Variants in SRC observed in about 807,000 individuals in gnomAD.
The protein encoded by SRC is SRC proto-oncogene, non-receptor tyrosine kinase, also known as proto-oncogene tyrosine-protein kinase Src.
A neutral mutation model predicts 62.9 loss-of-function variants in SRC; 13 were observed. That is an observed-to-expected ratio of 0.21 (90% CI 0.13 to 0.33). SRC has a LOEUF of 0.33. SRC is among the 10% of genes least tolerant of loss of function. The pLI is 1.00. For synonymous variants in SRC, 302 were observed against 317.5 expected (o/e 0.95, Z 0.52); for missense variants, 457 against 737.3 (o/e 0.62, Z 4.40).
rs1167547838 is a variant in SRC, at chr20:37,405,947, A to G, written c.*2568A>G. On this transcript the variant is annotated 3_prime_UTR_variant, in exon 14 of 14. Transcript: ENST00000373578. ...AGGTTGATTTGCAACCGTCTATACA[A>G]ACACATTTATTTTACACAAATATAC... is the stretch of plus-strand genomic sequence containing the variant. The G allele has an allele frequency of 6.6e-6, 1 of 152,248 alleles. No homozygotes were observed. The highest frequency in any genetic ancestry group is 1.5e-5 in the Non-Finnish European group (1 of 68,052). The allele number at this position is 152,248 out of a possible 1,614,324, so 9.4% of individuals were successfully genotyped here.
intron 1 of SRC, among the ~76,000 whole-genome samples, chr20:37,353,353 G>A (rs1452988234): frequency 6.6e-6 from 1 of 152,128 alleles, no homozygotes; most frequent in East Asian, 1.9e-4. Context: ...GTCAAAAGGA[G>A]GATTTGGAGG....
At chr20:37,367,452 T>G (rs1303287459) in intron 2 of SRC, among the ~76,000 whole-genome samples, 1 of 152,102 alleles carries the variant, frequency 6.6e-6, no homozygotes, top group African/African-American at 2.4e-5. Flanking sequence ...AATTTGTATA[T>G]CTTCTTTGGA....
intron 5 of SRC, among the ~76,000 whole-genome samples, chr20:37,390,320 T>A (rs2070525788): frequency 6.6e-6 from 1 of 152,100 alleles, no homozygotes; most frequent in Admixed American, 6.6e-5. Flanking sequence ...TTTAGTTGTT[T>A]TTATTTTTAT....
At chr20:37,352,984 G>A (rs2069829175) in intron 1 of SRC, among the ~76,000 whole-genome samples, 2 of 152,150 alleles carry the variant, frequency 1.3e-5, no homozygotes, top group South Asian at 4.1e-4. Context: ...ACTTCACCTT[G>A]TCCCTTCTTT....
In SRC at chr20:37,351,996, C is replaced by T. The variant is rs1328275291; in HGVS notation, c.-247+5741C>T. Among the ~76,000 whole-genome samples, 3 of 152,216 alleles carry T rather than the reference C, an allele frequency of 2.0e-5. No homozygotes were observed. The highest frequency in any genetic ancestry group is 2.9e-5 in the Non-Finnish European group (2 of 68,042). ...AGCTCTGGCTGATGGATTCCCCAGT[C>T]GGACGTGGAGTACTGGGATCTTGGG... On this transcript the variant is annotated intron_variant, in intron 1 of 13. Transcript: ENST00000373578. This position sits in a 1 kb window ranked among gnomAD's most constrained non-coding sequence, Gnocchi z 4.4.
chr20:37,352,861 C>T (rs1412283864), intron 1 of SRC, among the ~76,000 whole-genome samples: 1 of 152,212 alleles, frequency 6.6e-6, no homozygotes, highest in African/African-American at 2.4e-5. Flanking sequence ...TGTGCCCTCC[C>T]TCTCAGTGCC....
chr20:37,375,795 G>T (rs1031289184), intron 2 of SRC, among the ~76,000 whole-genome samples: 1 of 152,194 alleles, frequency 6.6e-6, no homozygotes, highest in Non-Finnish European at 1.5e-5. Flanking sequence ...CTTAAACCAT[G>T]AACATTTATT....
intron 5 of SRC, among the ~76,000 whole-genome samples, chr20:37,387,351 C>T (rs2070472979): frequency 6.6e-6 from 1 of 152,190 alleles, no homozygotes; most frequent in African/African-American, 2.4e-5. Context: ...GTCGTCTCCA[C>T]CTGTGTCCTT....
intron 5 of SRC, among the ~76,000 whole-genome samples, chr20:37,392,682 C>T (rs1257968432): frequency 2.0e-5 from 3 of 152,184 alleles, no homozygotes; most frequent in Non-Finnish European, 4.4e-5. Flanking sequence ...CTTCTCTGGC[C>T]TCAGTCTTCC....
At chr20:37,355,549 GC>G (rs1460967001) in intron 1 of SRC, among the ~76,000 whole-genome samples, 1 of 152,192 alleles carries the variant, frequency 6.6e-6, no homozygotes, top group Non-Finnish European at 1.5e-5. Flanking sequence ...TGATATCTGG[GC>G]CTTGTGATGG....
chr20:37,392,646 T>G (rs1601008674), intron 5 of SRC, among the ~76,000 whole-genome samples: 1 of 152,154 alleles, frequency 6.6e-6, no homozygotes. Context: ...GGCCTGGCTG[T>G]GTGACCTTGA....
At chr20:37,395,096 C>A (rs2070620553) in intron 7 of SRC, among the ~76,000 whole-genome samples, 1 of 152,164 alleles carries the variant, frequency 6.6e-6, no homozygotes, top group South Asian at 2.1e-4. Context: ...CAGCCTCAGG[C>A]CTGTGGCTTC....
At chr20:37,372,207 C>T (rs2070177183) in intron 2 of SRC, among the ~76,000 whole-genome samples, 1 of 96,880 alleles carries the variant, frequency 1.0e-5, no homozygotes. Flanking sequence ...GGGGATTTCA[C>T]CATCTCCTGA....
In SRC at chr20:37,404,169, A is replaced by G. The variant is rs376112635; in HGVS notation, c.*790A>G. 3.9e-5 allele frequency: 9 copies of G among 233,610 alleles called. No homozygotes were observed. The East Asian group carries it at 5.4e-4, about 14-fold the overall frequency. The allele number at this position is 233,610 out of a possible 1,614,324, so 14.5% of individuals were successfully genotyped here. On this transcript the variant is annotated 3_prime_UTR_variant, in exon 14 of 14. Transcript: ENST00000373578. The stretch of plus-strand genomic sequence containing the variant: ...CAGGAACCAACAATTCGTCGGAGGC[A>G]TCATGGAAAGACTGGGACAGCCCAG...
At chr20:37,379,126 C>T (rs2070323113) in intron 2 of SRC, among the ~76,000 whole-genome samples, 1 of 152,160 alleles carries the variant, frequency 6.6e-6, no homozygotes, top group Non-Finnish European at 1.5e-5. Context: ...CAACTCGGCA[C>T]CTCTCGAGGG....
At position 37,404,531 on chromosome 20, in the gene SRC, G is replaced by A. The variant is rs972067292; in HGVS notation, c.*1152G>A. 3.9e-5 allele frequency: 9 copies of A among 233,542 alleles called. 1 individual carries two copies. Among genetic ancestry groups the A allele is most frequent in the South Asian group, 3.6e-4 (2 of 5,534 alleles). 14.5% of individuals were successfully genotyped at this position (233,542 alleles called of 1,614,324 possible). On this transcript the variant is annotated 3_prime_UTR_variant, in exon 14 of 14. Coordinates refer to ENST00000373578, the MANE Select transcript of SRC (RefSeq NM_198291.3). ...CTGGCCCTGTTCTCCTCCCCAAGTC[G>A]GCACCCTTTAACTCATGAGGAGGGA...
At chr20:37,355,659 C>G (rs1431638784) in intron 1 of SRC, among the ~76,000 whole-genome samples, 3 of 152,134 alleles carry the variant, frequency 2.0e-5, no homozygotes, top group African/African-American at 7.2e-5. Flanking sequence ...GGGTAGGGGC[C>G]ATATGAACTA....
chr20:37,366,337 T>A (rs1241758179), intron 2 of SRC, among the ~76,000 whole-genome samples: 1 of 152,198 alleles, frequency 6.6e-6, no homozygotes, highest in Non-Finnish European at 1.5e-5. Flanking sequence ...CCCAGTGTAG[T>A]TTATTTGAAA....
chr20:37,379,278 C>T (rs979241508), intron 2 of SRC, among the ~76,000 whole-genome samples: 15 of 152,130 alleles, frequency 9.9e-5, no homozygotes, highest in African/African-American at 3.6e-4. Context: ...CCCCTTGACC[C>T]CCGCAAGGGT....
Sources: allele counts gnomAD v4.1 joint callset (sites outside exome capture counted in the v4.1 genomes callset), GRCh38; gene constraint gnomAD v4.1.1; non-coding constraint Gnocchi (gnomAD v3.1); transcripts MANE v1.5; gene names NCBI Gene and HGNC (gene_info 2026-07-23, HGNC 2026-07-21).